Variants in JPH3 observed in about 807,000 individuals in gnomAD.
The protein encoded by JPH3 is junctophilin-3.
In JPH3, 11 loss-of-function variants were observed where a neutral mutation model predicts 59.6. The observed-to-expected ratio is 0.18, with a 90% CI of 0.12 to 0.31. The LOEUF (loss-of-function observed/expected upper bound fraction) is 0.31, where lower values mean the gene tolerates loss of function less well. Ranked by LOEUF, JPH3 falls within the 10% of genes least tolerant of loss-of-function variation. The pLI is 1.00. For synonymous variants in JPH3, 673 were observed against 483.6 expected (o/e 1.39, Z -5.14); for missense variants, 1,202 against 1,105.7 (o/e 1.09, Z -1.24).
intron 1 of JPH3, among the ~76,000 whole-genome samples, chr16:87,608,165 C>G (rs2030595923): frequency 1.3e-5 from 2 of 152,328 alleles, no homozygotes; most frequent in South Asian, 2.1e-4. Flanking sequence ...AGAGAGAACT[C>G]TGACCCCTTC....
At chr16:87,617,731 GCAGGA>G (rs2031024199) in intron 1 of JPH3, among the ~76,000 whole-genome samples, 1 of 152,102 alleles carries the variant, frequency 6.6e-6, no homozygotes, top group African/African-American at 2.4e-5. Context: ...AGGTGCAGGT[GCAGGA>G]GCTGAGAGTC....
At chr16:87,675,179 C>G (rs968496460) in intron 2 of JPH3, among the ~76,000 whole-genome samples, 22 of 132,648 alleles carry the variant, frequency 1.7e-4, no homozygotes, top group African/African-American at 5.8e-4. Flanking sequence ...AAGCTTTCAC[C>G]CCCCGCCCCT....
chr16:87,657,445 G>A (rs1321905400), intron 2 of JPH3, among the ~76,000 whole-genome samples: 3 of 152,196 alleles, frequency 2.0e-5, no homozygotes, highest in African/African-American at 4.8e-5. Flanking sequence ...TTCTGTTGAG[G>A]GCGACGACAG....
intron 2 of JPH3, among the ~76,000 whole-genome samples, chr16:87,661,545 C>G (rs911113617): frequency 6.6e-6 from 1 of 152,226 alleles, no homozygotes; most frequent in Non-Finnish European, 1.5e-5. Context: ...TAGGTCACCA[C>G]CATGTGTGAC....
intron 2 of JPH3, among the ~76,000 whole-genome samples, chr16:87,662,231 T>A (rs1288986444): frequency 6.6e-6 from 1 of 152,150 alleles, no homozygotes; most frequent in Non-Finnish European, 1.5e-5. Context: ...CAAGATATCC[T>A]ACGCTGCCGA....
chr16:87,696,390 T>TG (rs201571758), intron 4 of JPH3, 190 bp from the exon 5 acceptor site: 1 of 600,794 alleles, frequency 1.7e-6, no homozygotes. Context: ...GGGGCTTCTC[T>TG]CCCGCGTCTG....
intron 1 of JPH3, among the ~76,000 whole-genome samples, chr16:87,631,906 T>C (rs1443263965): frequency 6.6e-6 from 1 of 152,224 alleles, no homozygotes; most frequent in African/African-American, 2.4e-5. Flanking sequence ...TTTATTCTCA[T>C]TTTGTATTTT....
At chr16:87,629,710 G>GC (rs1313431636) in intron 1 of JPH3, among the ~76,000 whole-genome samples, 1 of 152,118 alleles carries the variant, frequency 6.6e-6, no homozygotes, top group Non-Finnish European at 1.5e-5. Context: ...GACAGGCGGA[G>GC]CCCGGGGGAT....
intron 2 of JPH3, among the ~76,000 whole-genome samples, chr16:87,646,395 C>T (rs925103350): frequency 2.6e-5 from 4 of 152,228 alleles, no homozygotes; most frequent in African/African-American, 9.6e-5. Context: ...GGTCCAAACT[C>T]GCTGTTTGCC....
intron 2 of JPH3, among the ~76,000 whole-genome samples, chr16:87,670,998 G>C (rs897467057): frequency 1.3e-5 from 2 of 152,208 alleles, no homozygotes; most frequent in African/African-American, 4.8e-5. Flanking sequence ...GGGTAGCAAG[G>C]TGCCTGGGGC....
At chr16:87,678,551 A>ACAAT (rs1491132452) in intron 2 of JPH3, among the ~76,000 whole-genome samples, 102 of 151,740 alleles carry the variant, frequency 6.7e-4, no homozygotes, top group African/African-American at 2.2e-3. Flanking sequence ...ACACACACAC[A>ACAAT]ATATATATAT....
rs774801127 is a variant in JPH3, at chr16:87,644,298, C to T, written c.423C>T (p.Gly141=). 6 of 1,612,192 alleles carry T rather than the reference C, an allele frequency of 3.7e-6. No homozygotes were observed. The highest frequency in any genetic ancestry group is 5.1e-6 in the Non-Finnish European group (6 of 1,179,650). Residue 141 remains glycine, a synonymous_variant, in exon 2 of 5, where the codon GGC becomes GGT. Coordinates refer to ENST00000284262, the MANE Select transcript of JPH3 (RefSeq NM_020655.4). ...AGTGGGTCGGTGGCATGCGCCAGGG[C>T]TACGGCGTCCGGCAGAGCGTCCCGT... ...QGQWVGGMRQ[G]YGVRQSVPYG... is the part of the protein sequence containing the mutation.
At chr16:87,648,143 C>G (rs1463468115) in intron 2 of JPH3, among the ~76,000 whole-genome samples, 1 of 152,058 alleles carries the variant, frequency 6.6e-6, no homozygotes, top group Non-Finnish European at 1.5e-5. Flanking sequence ...AGGTGGGAGG[C>G]TACACAGTAT....
chr16:87,685,138 G>A (rs372064790), intron 3 of JPH3, among the ~76,000 whole-genome samples: 11 of 152,336 alleles, frequency 7.2e-5, no homozygotes, highest in African/African-American at 2.6e-4. Flanking sequence ...CAGCCTGGGG[G>A]CTGCGGGGCT....
At chr16:87,677,237 T>G (rs1224784386) in intron 2 of JPH3, among the ~76,000 whole-genome samples, 1 of 55,518 alleles carries the variant, frequency 1.8e-5, no homozygotes, top group African/African-American at 6.9e-5. Context: ...AAAAAAAAAA[T>G]TAGCCGGGTG....
In JPH3 at chr16:87,618,481, CCAGGTACGTCCAT is replaced by C. The variant is rs1193813484; in HGVS notation, c.382+14954_382+14966del. Among the ~76,000 whole-genome samples, 52 of 152,224 alleles carry C rather than the reference CCAGGTACGTCCAT, an allele frequency of 3.4e-4. 1 individual carries two copies. Among genetic ancestry groups the C allele is most frequent in the Non-Finnish European group, 1.5e-4 (10 of 68,042 alleles). On this transcript the variant is annotated intron_variant, in intron 1 of 4. Transcript: ENST00000284262. ...CCTGCTGTCCTACAGCCCCGAGAGG[CCAGGTACGTCCAT>C]GTGTCGTGCCCATTTTACAGACGGT...
chr16:87,665,497 A>G (rs2150862676), intron 2 of JPH3, among the ~76,000 whole-genome samples: 1 of 152,302 alleles, frequency 6.6e-6, no homozygotes, highest in East Asian at 1.9e-4. Flanking sequence ...GCTCTGAGGG[A>G]ACAACCTCCT....
intron 1 of JPH3, among the ~76,000 whole-genome samples, chr16:87,607,416 A>G (rs770458806): frequency 1.5e-4 from 23 of 152,204 alleles, no homozygotes; most frequent in Non-Finnish European, 3.4e-4. Flanking sequence ...ACACACCCAC[A>G]GTCGGAATTC....
intron 2 of JPH3, among the ~76,000 whole-genome samples, chr16:87,677,356 C>T (rs370529512): frequency 3.3e-5 from 5 of 149,374 alleles, no homozygotes; most frequent in African/African-American, 1.0e-4. Flanking sequence ...GTACTGCAGC[C>T]TGGGTGACAG....
Sources: allele counts gnomAD v4.1 joint callset (sites outside exome capture counted in the v4.1 genomes callset), GRCh38; gene constraint gnomAD v4.1.1; transcripts MANE v1.5; gene names NCBI Gene and HGNC (gene_info 2026-07-23, HGNC 2026-07-21).